Variants in SP100 observed in about 807,000 individuals in gnomAD.
SP100 encodes the protein SP100 nuclear body protein.
Under a neutral mutation model 130.0 loss-of-function variants are expected in SP100, and 84 were observed. That is an observed-to-expected ratio of 0.65 (90% confidence interval 0.54 to 0.77). SP100 has a LOEUF of 0.77. SP100 is among the 30% of genes least tolerant of loss of function. The pLI is 0.00. For synonymous variants in SP100, 331 were observed against 351.7 expected (o/e 0.94, Z 0.66); for missense variants, 978 against 1,052.2 (o/e 0.93, Z 0.97).
At chr2:230,430,179 A>G (rs908981348) in intron 2 of SP100, among the ~76,000 whole-genome samples, 2 of 152,192 alleles carry the variant, frequency 1.3e-5, no homozygotes, top group African/African-American at 4.8e-5. Flanking sequence ...ATCCATGGAC[A>G]GGCAGAGCTT....
intron 2 of SP100, among the ~76,000 whole-genome samples, chr2:230,418,053 G>T (rs1053468720): frequency 6.6e-6 from 1 of 152,114 alleles, no homozygotes; most frequent in Non-Finnish European, 1.5e-5. Context: ...TGTTAAGGTG[G>T]CAGATTCGCT....
intron 15 of SP100, among the ~76,000 whole-genome samples, chr2:230,472,211 G>A (rs1466097799): frequency 1.3e-5 from 2 of 151,938 alleles, no homozygotes; most frequent in East Asian, 1.9e-4. Context: ...GGCGGATCAC[G>A]AGGTCAGGAG....
In SP100 at chr2:230,435,877, G is replaced by C. The variant is rs149658412; in HGVS notation, c.108-7060G>C. Among the ~76,000 whole-genome samples the C allele has an allele frequency of 4.7e-5, 7 of 150,214 alleles. No homozygotes were observed. The East Asian group carries it at 9.6e-4, about 21-fold the overall frequency. On this transcript the variant is annotated intron_variant, in intron 2 of 28. Coordinates refer to ENST00000340126, the MANE Select transcript of SP100 (RefSeq NM_001080391.2). ...CTAAATCGCCATCAATTATAGACTA[G>C]AGAAAGAAAATGTGGTACATATACA...
chr2:230,430,515 A>T (rs1276094802), intron 2 of SP100, among the ~76,000 whole-genome samples: 1 of 152,230 alleles, frequency 6.6e-6, no homozygotes, highest in Non-Finnish European at 1.5e-5. Context: ...GGGACCACAG[A>T]ATATGCCCCT....
intron 24 of SP100, among the ~76,000 whole-genome samples, chr2:230,513,288 G>A (rs1690725922): frequency 6.6e-6 from 1 of 152,160 alleles, no homozygotes; most frequent in Admixed American, 6.5e-5. Flanking sequence ...ATCCATGCAA[G>A]ACAATCAGTA....
chr2:230,468,872 T>C, intron 13 of SP100, 171 bp from the exon 14 acceptor site: 2 of 410,180 alleles, frequency 4.9e-6, no homozygotes, highest in Admixed American at 4.4e-5. Context: ...GGCTAAAGGA[T>C]TGTGGGTCTG....
At chr2:230,451,534 T>C (rs964553670) in intron 8 of SP100, among the ~76,000 whole-genome samples, 1 of 152,270 alleles carries the variant, frequency 6.6e-6, no homozygotes, top group African/African-American at 2.4e-5. Flanking sequence ...CCTTATGTAT[T>C]TTGGATAATA....
At position 230,473,409 on chromosome 2, in the gene SP100, G is replaced by A. The variant is rs1382678495; in HGVS notation, c.1515G>A (p.Arg505=). Residue 505 remains arginine (R), a synonymous_variant, in exon 16 of 29, where the codon AGG becomes AGA. Transcript: ENST00000340126. ...PKGVPRSQEA[R]TESSQASDMM... is the part of the protein sequence containing the mutation. ...GTGTGCCAAGAAGCCAAGAAGCAAG[G>A]ACTGAAAGTAGTCAAGCATCTGACA... 1 of 1,613,318 alleles carries A rather than the reference G, an allele frequency of 6.2e-7. No individual in the cohort carries two copies. Among genetic ancestry groups the A allele is most frequent in the Non-Finnish European group, 8.5e-7 (1 of 1,179,434 alleles).
chr2:230,494,339 T>TAAAC, intron 17 of SP100, 77 bp from the exon 18 acceptor site: 1 of 1,123,466 alleles, frequency 8.9e-7, no homozygotes, highest in South Asian at 1.3e-5. Context: ...TCAATGCTTG[T>TAAAC]AAACTATTGA....
intron 24 of SP100, among the ~76,000 whole-genome samples, chr2:230,522,197 G>A (rs1293980363): frequency 6.6e-6 from 1 of 152,292 alleles, no homozygotes; most frequent in East Asian, 1.9e-4. Context: ...TGTTTTAGTT[G>A]GGACAGTCTT....
intron 24 of SP100, among the ~76,000 whole-genome samples, chr2:230,519,139 T>C (rs1208860459): frequency 6.6e-6 from 1 of 152,226 alleles, no homozygotes; most frequent in Non-Finnish European, 1.5e-5. Context: ...AGAGAAAGAA[T>C]TTAATCCTTC....
At chr2:230,473,712 C>T (rs1281139683) in intron 16 of SP100, among the ~76,000 whole-genome samples, 1 of 152,080 alleles carries the variant, frequency 6.6e-6, no homozygotes, top group Non-Finnish European at 1.5e-5. Flanking sequence ...TTAACCCGAC[C>T]CTTTTGGGAA....
chr2:230,485,794 C>T (rs949110546), intron 17 of SP100, among the ~76,000 whole-genome samples: 1 of 151,972 alleles, frequency 6.6e-6, no homozygotes, highest in African/African-American at 2.4e-5. Context: ...GTGAGTTAAG[C>T]CCATTTACTT....
At position 230,449,675 on chromosome 2, in the gene SP100, C is replaced by T; in HGVS notation, c.701C>T (p.Thr234Ile). 6.2e-7 allele frequency: 1 copy of T among 1,614,144 alleles called. No homozygotes were observed. Among genetic ancestry groups the T allele is most frequent in the Non-Finnish European group, 8.5e-7 (1 of 1,180,024 alleles). The change falls in exon 7 of 29, where the codon ACA becomes ATA. Residue 234 changes from threonine (T) to isoleucine (I), a missense_variant. Physicochemically the swap from Thr to Ile is moderately conservative, Grantham distance 89. Coordinates refer to ENST00000340126, the MANE Select transcript of SP100 (RefSeq NM_001080391.2). ...GATGATTCGCTAGGAAGCCAACAAA[C>T]AAATGAACAATGTGCTCAAAAGGCT... ...DKDDSLGSQQ[T>I]NEQCAQKAEP...
At chr2:230,445,191 G>A (rs1320874907) in intron 4 of SP100, among the ~76,000 whole-genome samples, 1 of 152,116 alleles carries the variant, frequency 6.6e-6, no homozygotes, top group African/African-American at 2.4e-5. Context: ...CTATTAAAAT[G>A]GTACACGTTA....
At chr2:230,541,231 C>T (rs1368754296) in intron 26 of SP100, 70 bp from the exon 27 acceptor site, 19 of 1,450,348 alleles carry the variant, frequency 1.3e-5, no homozygotes, top group Non-Finnish European at 1.7e-5. Context: ...CGTGTGTTCT[C>T]TTTGGGCAAG....
intron 13 of SP100, 25 bp from the exon 14 acceptor site, chr2:230,469,018 G>A: frequency 6.9e-7 from 1 of 1,451,274 alleles, no homozygotes; most frequent in Non-Finnish European, 9.6e-7. Context: ...AGATATTATT[G>A]ATTTGGTTTT....
rs758766732 is a variant in SP100 at position 230,473,448 on chromosome 2, T to C, written c.1546+8T>C. On this transcript the variant is annotated splice_region_variant and intron_variant, in intron 16 of 28. Coordinates refer to ENST00000340126, the MANE Select transcript of SP100 (RefSeq NM_001080391.2). The stretch of plus-strand genomic sequence containing the variant: ...AAGCATCTGACATGATGGGTAAGGC[T>C]ACCCTAGGGTCTTGGGATGGAAGTG... The C allele has an allele frequency of 1.3e-6, 2 of 1,551,382 alleles. No individual in the cohort carries two copies. Among genetic ancestry groups the C allele is most frequent in the Admixed American group, 3.3e-5 (2 of 59,914 alleles).
intron 15 of SP100, among the ~76,000 whole-genome samples, chr2:230,470,991 G>A (rs1276646717): frequency 6.6e-6 from 1 of 151,820 alleles, no homozygotes. Context: ...TATGTATATT[G>A]GTTAATACAT....
Sources: allele counts gnomAD v4.1 joint callset (sites outside exome capture counted in the v4.1 genomes callset), GRCh38; gene constraint gnomAD v4.1.1; transcripts MANE v1.5; gene names NCBI Gene and HGNC (gene_info 2026-07-23, HGNC 2026-07-21).